Variants in EZH2 observed in about 807,000 individuals in gnomAD.
EZH2 encodes histone-lysine N-methyltransferase EZH2.
In EZH2, 18 loss-of-function variants were observed where a neutral mutation model predicts 98.4. The ratio of observed to expected loss-of-function variants is 0.18; its 90% CI spans 0.13 to 0.27. EZH2 has a LOEUF of 0.27. Among genes scored for constraint, EZH2 ranks in the 10% least tolerant of loss-of-function variants. EZH2 has a pLI of 1.00. For synonymous variants in EZH2, 338 were observed against 312.3 expected, an observed-to-expected ratio of 1.08 and a Z score of -0.87; for missense variants, 470 against 935.1, an observed-to-expected ratio of 0.50 and a Z score of 6.49.
intron 1 of EZH2, among the ~76,000 whole-genome samples, chr7:148,860,727 A>C (rs1025103890): frequency 1.3e-5 from 2 of 152,188 alleles, no homozygotes; most frequent in African/African-American, 2.4e-5. Flanking sequence ...GCTGAAGTGC[A>C]CTGGCGCAAT....
intron 1 of EZH2, among the ~76,000 whole-genome samples, chr7:148,866,645 T>C (rs1369025667): frequency 6.8e-6 from 1 of 146,902 alleles, no homozygotes; most frequent in Non-Finnish European, 1.5e-5. Flanking sequence ...TACATATACA[T>C]ATACGTATAT....
At chr7:148,854,435 C>CAAAA (rs59202218) in intron 1 of EZH2, among the ~76,000 whole-genome samples, 1 of 87,458 alleles carries the variant, frequency 1.1e-5, no homozygotes, top group African/African-American at 4.7e-5. Flanking sequence ...GACTCCGTCT[C>CAAAA]AAAAAAAAAA....
At chr7:148,815,304 A>T (rs1018436438) in intron 13 of EZH2, among the ~76,000 whole-genome samples, 1 of 152,222 alleles carries the variant, frequency 6.6e-6, no homozygotes, top group African/African-American at 2.4e-5. Context: ...ACTCGGACTC[A>T]CACCTTCCAG....
chr7:148,828,130 G>T (rs1585015631), intron 6 of EZH2, among the ~76,000 whole-genome samples: 1 of 152,208 alleles, frequency 6.6e-6, no homozygotes, highest in Middle Eastern at 3.4e-3. Flanking sequence ...AAAAGAAAAT[G>T]GATCTGATAA....
At chr7:148,858,223 C>G (rs1228754119) in intron 1 of EZH2, among the ~76,000 whole-genome samples, 1 of 151,262 alleles carries the variant, frequency 6.6e-6, no homozygotes, top group Non-Finnish European at 1.5e-5. Context: ...ACCCGGGAGG[C>G]AGAGCTTGCA....
At chr7:148,838,091 A>T (rs1213237736) in intron 3 of EZH2, among the ~76,000 whole-genome samples, 1 of 124,346 alleles carries the variant, frequency 8.0e-6, no homozygotes, top group Non-Finnish European at 1.6e-5. Context: ...TTTTTGAGAC[A>T]GGGTCTAGCT....
At chr7:148,809,440 T>G in intron 17 of EZH2, 50 bp from the exon 18 acceptor site, 1 of 1,423,708 alleles carries the variant, frequency 7.0e-7, no homozygotes, top group Non-Finnish European at 9.8e-7. Context: ...CAGTTATAAG[T>G]AAACCAAGTT....
chr7:148,843,006 G>C (rs574026378), intron 3 of EZH2, among the ~76,000 whole-genome samples: 176 of 152,020 alleles, frequency 1.2e-3, no homozygotes, highest in African/African-American at 4.1e-3. Flanking sequence ...TCAGGAGTTC[G>C]AGACCAGCCT....
intron 1 of EZH2, among the ~76,000 whole-genome samples, chr7:148,872,914 GATA>G (rs1819624222): frequency 6.6e-6 from 1 of 151,964 alleles, no homozygotes; most frequent in Non-Finnish European, 1.5e-5. Context: ...GCAGCTGAGG[GATA>G]AAGATCACTG....
At chr7:148,810,132 G>A (rs948998258) in intron 17 of EZH2, 85 of 449,554 alleles carry the variant, frequency 1.9e-4, no homozygotes, top group African/African-American at 5.4e-4. Flanking sequence ...CCAGAGAGGC[G>A]GTTTCCTGCA....
chr7:148,847,893 C>T (rs896447756), intron 1 of EZH2, among the ~76,000 whole-genome samples: 13 of 152,178 alleles, frequency 8.5e-5, no homozygotes, highest in African/African-American at 3.1e-4. Context: ...CCTTTATTAA[C>T]ATGAGGGGTT....
intron 8 of EZH2, among the ~76,000 whole-genome samples, chr7:148,824,514 A>G (rs1422634376): frequency 2.6e-5 from 4 of 152,200 alleles, no homozygotes; most frequent in Non-Finnish European, 5.9e-5. Context: ...TATCCAGTAC[A>G]GTGGCATGCT....
chr7:148,849,547 C>T (rs1239298049), intron 1 of EZH2, among the ~76,000 whole-genome samples: 1 of 152,012 alleles, frequency 6.6e-6, no homozygotes, highest in Non-Finnish European at 1.5e-5. Context: ...GAAAAGTTTC[C>T]AAGTGTGGCC....
chr7:148,817,977 T>G lies in EZH2; in HGVS notation c.1140A>C (p.Ser380=), dbSNP rs752843868. 6.2e-7 allele frequency: 1 copy of G among 1,614,050 alleles called. No homozygotes were observed. The highest frequency in any genetic ancestry group is 8.5e-7 in the Non-Finnish European group (1 of 1,180,042). The change falls in exon 10 of 20, where the codon TCA becomes TCC. Residue 380 remains serine (S), a synonymous_variant. Transcript: ENST00000320356. ...CTTCCCTATCACTGTCTGTATCCTT[T>G]GATTCCAGCACATTAATGGTGGGGG... ...PSTPTINVLE[S]KDTDSDREAG...
At chr7:148,842,094 AT>A (rs1342304143) in intron 3 of EZH2, among the ~76,000 whole-genome samples, 1 of 152,212 alleles carries the variant, frequency 6.6e-6, no homozygotes, top group African/African-American at 2.4e-5. Flanking sequence ...CTCTCTTTTC[AT>A]TAGTAAACAA....
At chr7:148,827,800 T>TA (rs1808153483) in intron 6 of EZH2, among the ~76,000 whole-genome samples, 1 of 152,216 alleles carries the variant, frequency 6.6e-6, no homozygotes, top group Admixed American at 6.5e-5. Flanking sequence ...TTAACCTCTC[T>TA]AAATCTATCC....
intron 1 of EZH2, among the ~76,000 whole-genome samples, chr7:148,880,007 G>A (rs1056995205): frequency 6.6e-6 from 1 of 152,192 alleles, no homozygotes; most frequent in Non-Finnish European, 1.5e-5. Flanking sequence ...TACTCAGGAG[G>A]CTGAGACAGG....
rs181944325 is a variant in EZH2 at position 148,838,393 on chromosome 7, C to T, written c.247-5643G>A. ...AACCTACTTAATCCTAGGTTAAAAT[C>T]CTGAAGGGCTGTTAAGGTAAATCAT... On this transcript the variant is annotated intron_variant, in intron 3 of 19. Transcript: ENST00000320356. Among the ~76,000 whole-genome samples, 185 of 152,204 alleles carry T rather than the reference C, an allele frequency of 1.2e-3. 1 individual carries two copies. Among genetic ancestry groups the T allele is most frequent in the Admixed American group, 1.7e-3 (26 of 15,268 alleles).
chr7:148,865,802 G>A (rs1818356341), intron 1 of EZH2, among the ~76,000 whole-genome samples: 1 of 152,122 alleles, frequency 6.6e-6, no homozygotes, highest in South Asian at 2.1e-4. Context: ...TGGACTAGGT[G>A]GTTCAAACTA....
Sources: gnomAD v4.1 joint callset for allele counts (sites outside exome capture counted in the v4.1 genomes callset) on GRCh38, gnomAD v4.1.1 for gene constraint, MANE v1.5 for transcripts, NCBI Gene and HGNC (gene_info 2026-07-23, HGNC 2026-07-21) for gene names.